Variants in NBAS observed in about 807,000 individuals in gnomAD.
NBAS encodes the protein NBAS subunit of NRZ tethering complex, also known as NAG/BC035112 fusion.
A neutral mutation model predicts 302.5 loss-of-function variants in NBAS; 219 were observed. The ratio of observed to expected loss-of-function variants is 0.72; its 90% CI spans 0.65 to 0.81. The LOEUF is 0.81. Among genes scored for constraint, NBAS ranks in the 30% least tolerant of loss-of-function variants. NBAS has a pLI of 0.00. For synonymous variants in NBAS, 1,118 were observed against 1,021.6 expected (o/e 1.09, Z -1.80); for missense variants, 2,932 against 2,841.6 (o/e 1.03, Z -0.72).
At chr2:15,513,628 C>G (rs984913694) in intron 9 of NBAS, among the ~76,000 whole-genome samples, 1 of 148,972 alleles carries the variant, frequency 6.7e-6, no homozygotes, top group African/African-American at 2.5e-5. Flanking sequence ...TCAGAACCCA[C>G]ACACACATAA....
intron 44 of NBAS, among the ~76,000 whole-genome samples, chr2:15,247,156 C>T (rs531108404): frequency 8.5e-5 from 13 of 152,220 alleles, no homozygotes; most frequent in Admixed American, 7.2e-4. Context: ...GAAAGCGTTA[C>T]GGGAAAGGTG....
At chr2:15,250,449 C>T (rs1255987300) in intron 44 of NBAS, among the ~76,000 whole-genome samples, 4 of 152,194 alleles carry the variant, frequency 2.6e-5, no homozygotes, top group East Asian at 1.9e-4. Context: ...CAACAAAAGC[C>T]GAAGTAGACA....
the NBAS span, among the ~76,000 whole-genome samples, chr2:14,792,127 T>C: frequency 5.9e-5 from 9 of 152,300 alleles, no homozygotes; most frequent in East Asian, 1.5e-3. Flanking sequence ...CAGCATCACC[T>C]GTTAACCCAA....
chr2:15,271,047 C>T (rs115278847), intron 44 of NBAS, among the ~76,000 whole-genome samples: 198 of 152,236 alleles, frequency 1.3e-3, no homozygotes, highest in African/African-American at 4.5e-3. Flanking sequence ...ACCTTTTGAT[C>T]AAGACTTAAA....
chr2:15,384,476 C>T (rs1192569151), intron 28 of NBAS, among the ~76,000 whole-genome samples: 1 of 151,948 alleles, frequency 6.6e-6, no homozygotes, highest in Non-Finnish European at 1.5e-5. Context: ...CTTTAGATTC[C>T]CTTTTTGTAT....
At chr2:15,261,108 T>G (rs918359) in intron 44 of NBAS, among the ~76,000 whole-genome samples, 6,916 of 152,288 alleles carry the variant, frequency 0.045, 268 homozygotes, top group African/African-American at 0.1. Context: ...AGACATCAAA[T>G]TATCTCAGCT....
chr2:15,006,280 G>T, the NBAS span, among the ~76,000 whole-genome samples: 4 of 152,114 alleles, frequency 2.6e-5, no homozygotes, highest in African/African-American at 9.7e-5. Context: ...TCTGCCTTTG[G>T]AAATTGATTC....
At chr2:15,025,179 G>A in the NBAS span, among the ~76,000 whole-genome samples, 3 of 152,044 alleles carry the variant, frequency 2.0e-5, no homozygotes, top group Admixed American at 6.6e-5. Context: ...AATCTTCTGC[G>A]TATAGCTAGC....
chr2:15,036,134 A>G, the NBAS span, among the ~76,000 whole-genome samples: 122,057 of 152,142 alleles, frequency 0.8, 49,488 homozygotes, highest in East Asian at 1. Context: ...ACTTGATAGT[A>G]TCAATAATTT....
chr2:15,040,487 A>G, the NBAS span, among the ~76,000 whole-genome samples: 1 of 152,222 alleles, frequency 6.6e-6, no homozygotes. Context: ...GCAAACATTC[A>G]GGGCTCCGGA....
chr2:15,287,586 G>A (rs540000323), intron 41 of NBAS, among the ~76,000 whole-genome samples: 1 of 151,978 alleles, frequency 6.6e-6, no homozygotes, highest in Non-Finnish European at 1.5e-5. Flanking sequence ...ATCCCGGGCA[G>A]CCCTGCGTGG....
At chr2:15,310,945 T>A (rs1207890373) in intron 38 of NBAS, among the ~76,000 whole-genome samples, 1 of 152,170 alleles carries the variant, frequency 6.6e-6, no homozygotes, top group African/African-American at 2.4e-5. Flanking sequence ...ATATAATGAA[T>A]CTCTTGCCTA....
Position 15,461,290 on chromosome 2 carries a change from G to A in NBAS, c.2250C>T (p.Ser750=), listed in dbSNP as rs779321279. The A allele has an allele frequency of 1.9e-5, 30 of 1,613,026 alleles. No individual in the cohort carries two copies. Among genetic ancestry groups the A allele is most frequent in the Middle Eastern group, 1.7e-4 (1 of 6,056 alleles). ...ALEILFTYHG[S]DLLPHRLAIL... is the part of the protein sequence containing the mutation. ...TTGCAAGGCGATGAGGAAGCAGGTC[G>A]GAACCATGGTAAGTAAACAGAATTT... The change falls in exon 21 of 52, where the codon TCC becomes TCT. Residue 750 remains serine, a synonymous_variant. Coordinates refer to ENST00000281513, the MANE Select transcript of NBAS (RefSeq NM_015909.4).
chr2:15,510,217 T>G (rs1252004936), intron 10 of NBAS, among the ~76,000 whole-genome samples: 1 of 152,220 alleles, frequency 6.6e-6, no homozygotes, highest in African/African-American at 2.4e-5. Context: ...GCCAGGATGG[T>G]AAACATAATT....
the NBAS span, among the ~76,000 whole-genome samples, chr2:14,946,424 G>A: frequency 6.6e-6 from 1 of 152,106 alleles, no homozygotes; most frequent in East Asian, 1.9e-4. Context: ...ACAAATCAAA[G>A]ACTGTAAAAA....
Position 15,503,278 on chromosome 2 carries a change from A to G in NBAS, c.954+867T>C, listed in dbSNP as rs192367226. ...AGGAGTACTCTCTAAAATAATGATA[A>G]AAAGTACAGTACAGTCAAGCCTTCC... On this transcript the variant is annotated intron_variant, in intron 11 of 51. Coordinates refer to ENST00000281513, the MANE Select transcript of NBAS (RefSeq NM_015909.4). Among the ~76,000 whole-genome samples, 7 of 152,290 alleles carry G rather than the reference A, an allele frequency of 4.6e-5. No homozygotes were observed. In the East Asian group the frequency reaches 1.2e-3, roughly 25 times the overall value.
At chr2:14,866,534 G>A in the NBAS span, among the ~76,000 whole-genome samples, 2 of 152,142 alleles carry the variant, frequency 1.3e-5, no homozygotes, top group Admixed American at 6.6e-5. Context: ...AGATGCAGGA[G>A]TCAAATCTCA....
At chr2:15,092,455 T>C in the NBAS span, among the ~76,000 whole-genome samples, 1 of 151,716 alleles carries the variant, frequency 6.6e-6, no homozygotes, top group South Asian at 2.1e-4. Context: ...ACTTGGAGAG[T>C]TCAGAGTAAA....
At chr2:14,909,344 G>A in the NBAS span, among the ~76,000 whole-genome samples, 71,330 of 115,332 alleles carry the variant, frequency 0.62, 23,235 homozygotes, top group African/African-American at 0.87. Context: ...AAAGAGAACC[G>A]CTAAGCCTAG....
Sources: gnomAD v4.1 joint callset for allele counts (sites outside exome capture counted in the v4.1 genomes callset) on GRCh38, gnomAD v4.1.1 for gene constraint, MANE v1.5 for transcripts, NCBI Gene and HGNC (gene_info 2026-07-23, HGNC 2026-07-21) for gene names.